The following OR3A2 variants were observed in gnomAD, a reference collection of about 807,000 sequenced individuals.
OR3A2 encodes olfactory receptor family 3 subfamily A member 2.
For missense variants in OR3A2, 318 were observed against 392.8 expected, an observed-to-expected ratio of 0.81 and a Z score of 1.61; for synonymous variants, 126 against 159.3, an observed-to-expected ratio of 0.79 and a Z score of 1.57.
intron 3 of OR3A2, among the ~76,000 whole-genome samples, chr17:3,309,041 G>T (rs948205060): frequency 6.6e-6 from 1 of 152,108 alleles, no homozygotes; most frequent in Non-Finnish European, 1.5e-5. Context: ...GAGTAGCTGG[G>T]ATTACAGGCA....
Position 3,317,236 on chromosome 17 carries a change from G to C in OR3A2, c.-85+18797C>G, listed in dbSNP as rs529435974. Reference sequence around the variant, plus strand: ...GTGAAGGCCTGAGAAGTAGCAATAAGTGAAACAGAAAGAGGTGAGCTTTGG... The same window carrying C: ...GTGAAGGCCTGAGAAGTAGCAATAACTGAAACAGAAAGAGGTGAGCTTTGG... On this transcript the variant is annotated intron_variant, in intron 3 of 4. Transcript: ENST00000573491. 7.9e-5 allele frequency among the ~76,000 whole-genome samples: 12 copies of C among 152,330 alleles called. No homozygotes were observed. The South Asian group carries it at 2.5e-3, about 32-fold the overall frequency.
chr17:3,284,304 G>A (rs754606522), intron 1 of OR3A2, 54 bp downstream of exon 3: 6 of 152,032 alleles, frequency 3.9e-5, no homozygotes, highest in Non-Finnish European at 8.8e-5. Context: ...GATGGCAACA[G>A]AAGCCCCTTC....
intron 3 of OR3A2, chr17:3,292,538 G>A (rs772286302): frequency 6.2e-7 from 1 of 1,613,944 alleles, no homozygotes; most frequent in Admixed American, 1.7e-5. Context: ...CCAGCAGGAT[G>A]AACTCAGCAA....
chr17:3,287,769 A>G (rs1052625526), upstream of OR3A2, among the ~76,000 whole-genome samples: 20 of 152,152 alleles, frequency 1.3e-4, no homozygotes, highest in African/African-American at 4.8e-4. Context: ...CGTGGGTGGC[A>G]GCATTGGTCT....
rs1287947181 is a variant in OR3A2, at chr17:3,371,345, C to T, written c.-179+12459G>A. On this transcript the variant is annotated intron_variant, in intron 2 of 4. Coordinates refer to the OR3A2 transcript ENST00000573491. ...CCGGGCAGAAGTGCCCCTCATCTCC[C>T]GGACGAGGCGGCTGGCCGGGCGGGG... Among the ~76,000 whole-genome samples the T allele has an allele frequency of 1.7e-4, 25 of 150,440 alleles. No individual in the cohort carries two copies. The East Asian group carries it at 2.0e-3, about 12-fold the overall frequency.
intron 3 of OR3A2, among the ~76,000 whole-genome samples, chr17:3,325,287 G>A (rs2049162424): frequency 7.1e-6 from 1 of 141,216 alleles, no homozygotes; most frequent in African/African-American, 2.7e-5. Context: ...TCAACTCACT[G>A]CAACCTCCAC....
At chr17:3,290,484 TTATCTC>T (rs1429423891) in intron 3 of OR3A2, among the ~76,000 whole-genome samples, 2 of 152,190 alleles carry the variant, frequency 1.3e-5, no homozygotes, top group South Asian at 2.1e-4. Context: ...TCTTTTCTCT[TTATCTC>T]TATCTTACTG....
At chr17:3,276,756 G>C (rs1020907595), downstream of OR3A2, among the ~76,000 whole-genome samples, 1 of 152,168 alleles carries the variant, frequency 6.6e-6, no homozygotes, top group African/African-American at 2.4e-5. Flanking sequence ...TTTATCATAT[G>C]TGTGAGGAAG....
chr17:3,340,595 T>G (rs1311246006), intron 2 of OR3A2, among the ~76,000 whole-genome samples: 1 of 150,620 alleles, frequency 6.6e-6, no homozygotes, highest in African/African-American at 2.5e-5. Context: ...AGTTTCTTAA[T>G]CTTGAATTCT....
intron 3 of OR3A2, among the ~76,000 whole-genome samples, chr17:3,304,836 T>C (rs1390545307): frequency 2.0e-5 from 3 of 152,282 alleles, no homozygotes; most frequent in East Asian, 1.9e-4. Context: ...AAATAAACTA[T>C]TGATACATGC....
At chr17:3,361,634 G>C (rs2049517657) in intron 2 of OR3A2, among the ~76,000 whole-genome samples, 1 of 151,646 alleles carries the variant, frequency 6.6e-6, no homozygotes, top group East Asian at 1.9e-4. Flanking sequence ...AAAGGTTGTT[G>C]AATTTTGTCA....
At chr17:3,326,779 C>G (rs2049179055) in intron 3 of OR3A2, among the ~76,000 whole-genome samples, 1 of 141,000 alleles carries the variant, frequency 7.1e-6, no homozygotes, top group Non-Finnish European at 1.5e-5. Flanking sequence ...GTTCAATTCC[C>G]ACCTATGAGT....
chr17:3,365,351 TTTG>T (rs1304363114), intron 2 of OR3A2, among the ~76,000 whole-genome samples: 8 of 152,150 alleles, frequency 5.3e-5, no homozygotes, highest in Non-Finnish European at 1.2e-4. Flanking sequence ...GAAACTACTT[TTTG>T]TTGTTGTTTG....
At chr17:3,344,084 G>T (rs933904837) in intron 2 of OR3A2, among the ~76,000 whole-genome samples, 15 of 152,114 alleles carry the variant, frequency 9.9e-5, no homozygotes, top group African/African-American at 3.4e-4. Context: ...CAGGAGTGCT[G>T]TAGTGCCACA....
downstream of OR3A2, among the ~76,000 whole-genome samples, chr17:3,276,293 G>A (rs1046447129): frequency 3.9e-5 from 6 of 152,034 alleles, no homozygotes; most frequent in Non-Finnish European, 7.4e-5. Context: ...AAGATTGTAT[G>A]GCACAATATG....
intron 3 of OR3A2, among the ~76,000 whole-genome samples, chr17:3,328,971 T>G (rs1323562338): frequency 6.6e-6 from 1 of 150,950 alleles, no homozygotes; most frequent in African/African-American, 2.4e-5. Context: ...GAGATAATCA[T>G]GTGGTTTTTG....
chr17:3,332,001 G>T (rs2049239182), intron 3 of OR3A2, among the ~76,000 whole-genome samples: 1 of 150,226 alleles, frequency 6.7e-6, no homozygotes, highest in Admixed American at 6.6e-5. Flanking sequence ...GCCCCTGCTG[G>T]GGGGTGCCTC....
chr17:3,372,847 A>AGAGGGAGAGGGAGAG (rs2049643258), intron 2 of OR3A2, among the ~76,000 whole-genome samples: 12 of 65,100 alleles, frequency 1.8e-4, no homozygotes, highest in African/African-American at 6.2e-4. Context: ...GAGAAGGAGA[A>AGAGGGAGAGGGAGAG]GGAGAGGGAG....
chr17:3,309,546 G>A (rs1010960741), intron 3 of OR3A2, among the ~76,000 whole-genome samples: 5 of 152,054 alleles, frequency 3.3e-5, no homozygotes, highest in African/African-American at 1.2e-4. Flanking sequence ...CTACTCAAAA[G>A]CCCTTTTTAC....
Sources: gnomAD v4.1 joint callset for allele counts (sites outside exome capture counted in the v4.1 genomes callset) on GRCh38, gnomAD v4.1.1 for gene constraint, MANE v1.5 for transcripts, NCBI Gene and HGNC (gene_info 2026-07-23, HGNC 2026-07-21) for gene names.